TBC1D5: variants seen among roughly 807,000 people sequenced by gnomAD.
TBC1D5 encodes the protein TBC1 domain family, member 5.
TBC1D5 carries 75 observed loss-of-function variants against 100.3 expected under a neutral mutation model. That is an observed-to-expected ratio of 0.75 (90% CI 0.62 to 0.91). TBC1D5 has a LOEUF of 0.91. Ranked by LOEUF, TBC1D5 falls within the 40% of genes least tolerant of loss-of-function variation. The pLI is 0.00. For synonymous variants in TBC1D5, 323 were observed against 325.6 expected (o/e 0.99, Z 0.09); for missense variants, 910 against 942.4 (o/e 0.97, Z 0.45).
chr3:17,699,193 C>T (rs1452183377), intron 1 of TBC1D5, among the ~76,000 whole-genome samples: 3 of 117,442 alleles, frequency 2.6e-5, no homozygotes, highest in African/African-American at 3.2e-5. Context: ...CACATATACA[C>T]CATGGAATAC....
At chr3:17,276,931 G>C (rs752612224) in intron 15 of TBC1D5, among the ~76,000 whole-genome samples, 21 of 152,176 alleles carry the variant, frequency 1.4e-4, no homozygotes, top group Admixed American at 3.3e-4. Flanking sequence ...AATGTACAGG[G>C]CAACAATGGA....
chr3:17,712,205 G>T lies in TBC1D5; in HGVS notation c.-101+27138C>A, dbSNP rs188505060. Among the ~76,000 whole-genome samples the T allele has an allele frequency of 5.1e-3, 769 of 151,500 alleles. 14 individuals are homozygous for T. Among genetic ancestry groups the T allele is most frequent in the Non-Finnish European group, 3.4e-3 (234 of 67,884 alleles). ...TTACTCTCTTGGACAAGGTTTTCTG[G>T]GTACCAATAACAGAAACCCACACAA... On this transcript the variant is annotated intron_variant, in intron 1 of 21. Transcript: ENST00000253692.
intron 3 of TBC1D5, among the ~76,000 whole-genome samples, chr3:17,428,792 G>C (rs1232669227): frequency 6.6e-6 from 1 of 151,834 alleles, no homozygotes. Context: ...TTCTTCTTAT[G>C]AATTACAGAC....
At chr3:17,650,896 G>A (rs902318644) in intron 1 of TBC1D5, among the ~76,000 whole-genome samples, 5 of 152,152 alleles carry the variant, frequency 3.3e-5, no homozygotes, top group Non-Finnish European at 7.4e-5. Flanking sequence ...CCTTTTGACT[G>A]AAGGAACATT....
intron 3 of TBC1D5, among the ~76,000 whole-genome samples, chr3:17,456,968 T>C (rs1287471727): frequency 1.3e-5 from 2 of 152,146 alleles, no homozygotes; most frequent in African/African-American, 2.4e-5. Context: ...AAAAGTTGAA[T>C]AGTGGTTTTA....
rs1263893282 is a variant in TBC1D5, at chr3:17,415,986, G to A, written c.168-9460C>T. ...CAATACTGTAAAGGAAAGGCTGGTA[G>A]AATAGAGAATAAATTACTTTCCAGT... On this transcript the variant is annotated intron_variant, in intron 4 of 21. Transcript: ENST00000253692. Among the ~76,000 whole-genome samples, 4 of 152,192 alleles carry A rather than the reference G, an allele frequency of 2.6e-5. No individual in the cohort carries two copies. In the East Asian group the frequency reaches 5.8e-4, roughly 22 times the overall value.
intron 2 of TBC1D5, among the ~76,000 whole-genome samples, chr3:17,515,564 C>A (rs144387887): frequency 1.1e-4 from 17 of 152,284 alleles, no homozygotes; most frequent in African/African-American, 4.1e-4. Flanking sequence ...TATGTAAGGT[C>A]ACAGGGCAAA....
At chr3:17,712,973 A>G (rs1200815604) in intron 1 of TBC1D5, among the ~76,000 whole-genome samples, 1 of 152,154 alleles carries the variant, frequency 6.6e-6, no homozygotes, top group African/African-American at 2.4e-5. Context: ...TGTTTCTCCT[A>G]TCCCTCCCAT....
intron 8 of TBC1D5, among the ~76,000 whole-genome samples, chr3:17,390,176 G>A (rs1279334372): frequency 6.6e-6 from 1 of 152,070 alleles, no homozygotes; most frequent in Non-Finnish European, 1.5e-5. Context: ...TGACTGCAGT[G>A]TGTGGAAGTG....
chr3:17,592,449 G>A (rs2060290202), intron 2 of TBC1D5, among the ~76,000 whole-genome samples: 1 of 152,194 alleles, frequency 6.6e-6, no homozygotes, highest in Non-Finnish European at 1.5e-5. Context: ...GGCCTGTGGA[G>A]ATCCAAAGGC....
At chr3:17,695,655 T>G (rs1244502179) in intron 1 of TBC1D5, among the ~76,000 whole-genome samples, 1 of 152,156 alleles carries the variant, frequency 6.6e-6, no homozygotes, top group East Asian at 1.9e-4. Context: ...AATGGGAGAC[T>G]TTAACACCCC....
chr3:17,362,902 T>C (rs2091840853), intron 13 of TBC1D5, among the ~76,000 whole-genome samples: 1 of 152,170 alleles, frequency 6.6e-6, no homozygotes, highest in Admixed American at 6.5e-5. Flanking sequence ...AAAACTACAG[T>C]CCAATGTCAC....
chr3:17,190,965 G>C (rs940239081), intron 18 of TBC1D5, among the ~76,000 whole-genome samples: 2 of 152,174 alleles, frequency 1.3e-5, no homozygotes, highest in South Asian at 2.1e-4. Flanking sequence ...GAAAGGCCAC[G>C]GATGTTCGGA....
chr3:17,643,189 A>G (rs1417363565), intron 1 of TBC1D5, among the ~76,000 whole-genome samples: 2 of 152,024 alleles, frequency 1.3e-5, no homozygotes, highest in African/African-American at 4.8e-5. Flanking sequence ...ATTTTGTAGA[A>G]TGTGTCTCAA....
At chr3:17,665,064 G>GAAA (rs57107595) in intron 1 of TBC1D5, 3 of 141,200 alleles carry the variant, frequency 2.1e-5, no homozygotes, top group African/African-American at 7.9e-5. Flanking sequence ...AAGAAGAAAG[G>GAAA]AAAAAAAAAC....
chr3:17,168,231 G>A (rs939756640), intron 19 of TBC1D5, among the ~76,000 whole-genome samples: 3 of 152,160 alleles, frequency 2.0e-5, no homozygotes, highest in Admixed American at 6.5e-5. Context: ...TCTAAAGACC[G>A]ATTCCTTCCA....
rs1195607931 is a variant in TBC1D5 at position 17,259,110 on chromosome 3, A to G, written c.1246-519T>C. Among the ~76,000 whole-genome samples, 7 of 152,222 alleles carry G rather than the reference A, an allele frequency of 4.6e-5. No homozygotes were observed. In the South Asian group the frequency reaches 6.2e-4, roughly 14 times the overall value. On this transcript the variant is annotated intron_variant, in intron 15 of 21. Coordinates refer to ENST00000253692, the Ensembl canonical transcript of TBC1D5. ...AATTCTTTTAAAGTTAGCAATTTCT[A>G]TGTCATCTATCCTTATTTATGAGTT...
intron 1 of TBC1D5, among the ~76,000 whole-genome samples, chr3:17,699,456 G>A (rs1213878462): frequency 7.1e-6 from 1 of 140,628 alleles, no homozygotes; most frequent in Non-Finnish European, 1.5e-5. Flanking sequence ...TGACGAGTTA[G>A]TGGGTGCAGC....
At chr3:17,370,904 C>A (rs1056628114) in intron 13 of TBC1D5, among the ~76,000 whole-genome samples, 4 of 152,138 alleles carry the variant, frequency 2.6e-5, no homozygotes, top group Non-Finnish European at 5.9e-5. Context: ...GAGAGTCAAG[C>A]TTTACATAAA....
Sources: allele counts gnomAD v4.1 joint callset (sites outside exome capture counted in the v4.1 genomes callset), GRCh38; gene constraint gnomAD v4.1.1; transcripts MANE v1.5; gene names NCBI Gene and HGNC (gene_info 2026-07-23, HGNC 2026-07-21).